The following ZNF302 variants were observed in gnomAD, a reference collection of about 807,000 sequenced individuals.
ZNF302 encodes zinc finger protein 302, also known as zinc finger protein 327.
ZNF302 carries 12 observed loss-of-function variants against 10.8 expected under a neutral mutation model. The ratio of observed to expected loss-of-function variants is 1.11; its 90% CI spans 0.71 to 1.79. The LOEUF is 1.79. Ranked by LOEUF, ZNF302 falls within the 40% of genes most tolerant of loss-of-function variation. The pLI is 0.00. For missense variants in ZNF302, 461 were observed against 471.1 expected, an observed-to-expected ratio of 0.98 and a Z score of 0.20; for synonymous variants, 178 against 157.5, an observed-to-expected ratio of 1.13 and a Z score of -0.98.
chr19:34,679,899 T>C, intron 2 of ZNF302: 3 of 702,896 alleles, frequency 4.3e-6, no homozygotes, highest in Non-Finnish European at 7.8e-6. Context: ...ATAAGATGAG[T>C]AATGAAGAAC....
chr19:34,685,384 A>T lies in ZNF302; in HGVS notation c.*147A>T, dbSNP rs2068608846. 2.5e-6 allele frequency: 4 copies of T among 1,611,596 alleles called. No homozygotes were observed. Among genetic ancestry groups the T allele is most frequent in the Admixed American group, 1.7e-5 (1 of 59,972 alleles). On this transcript the variant is annotated 3_prime_UTR_variant, in exon 5 of 5. Transcript: ENST00000505242. ...TTCAACATCACAGTATTCATACTGGAGAGAAACCTTACGAATGTATTAAAT... is the reference window on the plus strand; with the variant it reads ...TTCAACATCACAGTATTCATACTGGTGAGAAACCTTACGAATGTATTAAAT...
chr19:34,685,093 T>C lies in ZNF302; in HGVS notation c.1056T>C (p.Cys352=), dbSNP rs769103975. ...ECRECGKAFC[C]SSHLTQHQRI... is the part of the protein sequence containing the mutation. ...GAGAATGTGGGAAAGCTTTCTGCTGTAGCTCACACCTTACTCAACATCAAA... is the reference window on the plus strand; with the variant it reads ...GAGAATGTGGGAAAGCTTTCTGCTGCAGCTCACACCTTACTCAACATCAAA... Residue 352 remains cysteine, a synonymous_variant, in exon 5 of 5, where the codon TGT becomes TGC. Transcript: ENST00000505242. 9 of 1,613,054 alleles carry C rather than the reference T, an allele frequency of 5.6e-6. No homozygotes were observed. The highest frequency in any genetic ancestry group is 2.2e-5 in the East Asian group (1 of 44,876).
In ZNF302 at chr19:34,684,581, G is replaced by C. The variant is rs2068551897; in HGVS notation, c.544G>C (p.Ala182Pro). ...KLLNSNKSGAAFNQSKSLTLP... is the reference protein window; with the variant it reads ...KLLNSNKSGAPFNQSKSLTLP... ...TTTAAATTCTAATAAAAGTGGGGCA[G>C]CCTTCAACCAGAGCAAATCTCTTAC... Residue 182 changes from alanine to proline, a missense_variant, in exon 5 of 5, where the codon GCC (alanine) becomes CCC (proline). Physicochemically the swap from Ala to Pro is conservative, Grantham distance 27. Transcript: ENST00000505242. 1 of 1,613,930 alleles carries C rather than the reference G, an allele frequency of 6.2e-7. No homozygotes were observed. The highest frequency in any genetic ancestry group is 8.5e-7 in the Non-Finnish European group (1 of 1,179,928).
In ZNF302 at chr19:34,685,812, G is replaced by A; in HGVS notation, c.*575G>A. 1 of 413,604 alleles carries A rather than the reference G, an allele frequency of 2.4e-6. No individual in the cohort carries two copies. The highest frequency in any genetic ancestry group is 4.4e-6 in the Non-Finnish European group (1 of 229,358). 25.6% of individuals were successfully genotyped at this position (413,604 alleles called of 1,614,324 possible). A position where few individuals can be genotyped will look rare whatever the true frequency, so the allele number is the denominator to read the frequency against. On this transcript the variant is annotated 3_prime_UTR_variant, in exon 5 of 5. Transcript: ENST00000505242. Reference sequence around the variant, plus strand: ...AAATCATATGAAGTCAATAAATGTGGGAAAGCCTTTGTCAGTATTAATCCC... The same window carrying A: ...AAATCATATGAAGTCAATAAATGTGAGAAAGCCTTTGTCAGTATTAATCCC...
In ZNF302 at chr19:34,684,970, A is replaced by G. The variant is rs1238016603; in HGVS notation, c.933A>G (p.Lys311=). The change falls in exon 5 of 5, where the codon AAA becomes AAG. Residue 311 remains lysine (K), a synonymous_variant. Transcript: ENST00000505242. ...ATCTAAGAATTCATACGCAAGAAAA[A>G]CGCTATGAGTGTCGTATATGTGGAA... ...IQHLRIHTQE[K]RYECRICGKA... 6.2e-7 allele frequency: 1 copy of G among 1,613,970 alleles called. No individual in the cohort carries two copies. Among genetic ancestry groups the G allele is most frequent in the Non-Finnish European group, 8.5e-7 (1 of 1,179,956 alleles).
intron 1 of ZNF302, among the ~76,000 whole-genome samples, 187 bp from the exon 2 acceptor site, chr19:34,678,550 T>C (rs1346133806): frequency 6.6e-6 from 1 of 152,144 alleles, no homozygotes; most frequent in East Asian, 1.9e-4. Context: ...TACAGAATAA[T>C]TGATTTTCCC....
intron 4 of ZNF302, 127 bp from the exon 5 acceptor site, chr19:34,684,125 C>G (rs12611327): frequency 3.7e-4 from 474 of 1,282,028 alleles, no homozygotes; most frequent in Non-Finnish European, 3.1e-4. Context: ...TGCTTCATTT[C>G]TTATCCAATT....
Position 34,684,483 on chromosome 19 carries a change from A to T in ZNF302, c.446A>T (p.Tyr149Phe). 6.2e-7 allele frequency: 1 copy of T among 1,612,734 alleles called. No homozygotes were observed. The highest frequency in any genetic ancestry group is 8.5e-7 in the Non-Finnish European group (1 of 1,179,152). ...TCTGCTGAAGGGAATTCACACAAAT[A>T]TGATATATTAAAGAAGAATTTATCA... ...NNSAEGNSHK[Y>F]DILKKNLSKK... The change falls in exon 5 of 5, where the codon TAT becomes TTT. Residue 149 changes from tyrosine to phenylalanine, a missense_variant. Transcript: ENST00000505242.
In ZNF302 at chr19:34,684,933, T is replaced by A. The variant is rs372058056; in HGVS notation, c.896T>A (p.Leu299His). The A allele has an allele frequency of 2.5e-6, 4 of 1,614,006 alleles. No individual in the cohort carries two copies. The Admixed American group carries it at 5.0e-5, about 20-fold the overall frequency. Reference sequence around the variant, plus strand: ...GGAAAGTCTTTTAGTCGTGTGTCCCTTCTCATTCAGCATCTAAGAATTCAT... The same window carrying A: ...GGAAAGTCTTTTAGTCGTGTGTCCCATCTCATTCAGCATCTAAGAATTCAT... ...NCGKSFSRVS[L>H]LIQHLRIHTQ... The change falls in exon 5 of 5, where the codon CTT (leucine) becomes CAT (histidine). Residue 299 changes from leucine (L) to histidine (H), a missense_variant. Coordinates refer to ENST00000505242, the MANE Select transcript of ZNF302 (RefSeq NM_001289187.2).
rs1446806103 is a variant in ZNF302, at chr19:34,678,771, G to C, written c.-34G>C. 1 of 1,613,606 alleles carries C rather than the reference G, an allele frequency of 6.2e-7. No individual in the cohort carries two copies. The highest frequency in any genetic ancestry group is 8.5e-7 in the Non-Finnish European group (1 of 1,179,674). ...CATCTCTAAGATAAGAACCTGGAAA[G>C]GGGACTCTGTTGGCCATTGGAAATT... On this transcript the variant is annotated 5_prime_UTR_variant, in exon 2 of 5. Transcript: ENST00000505242.
rs544638962 is a variant in ZNF302 at position 34,686,342 on chromosome 19, A to C, written c.*1105A>C. 1.3e-5 allele frequency: 2 copies of C among 152,348 alleles called. No homozygotes were observed. The highest frequency in any genetic ancestry group is 2.4e-5 in the African/African-American group (1 of 41,578). 9.4% of individuals were successfully genotyped at this position (152,348 alleles called of 1,614,324 possible). A position where few individuals can be genotyped will look rare whatever the true frequency, so the allele number is the denominator to read the frequency against. On this transcript the variant is annotated 3_prime_UTR_variant, in exon 5 of 5. Transcript: ENST00000505242. ...TAAAAATTAAAGCTGCAAAAGAAAT[A>C]AAATGGTGTTAATAAAAATTTGGCA...
Position 34,684,272 on chromosome 19 carries a change from A to G in ZNF302, c.235A>G (p.Asn79Asp). The G allele has an allele frequency of 6.4e-7, 1 of 1,562,958 alleles. No homozygotes were observed. Among genetic ancestry groups the G allele is most frequent in the Non-Finnish European group, 8.6e-7 (1 of 1,162,504 alleles). ...LSKDWESRWENKELSTKKDIY... is the reference protein window; with the variant it reads ...LSKDWESRWEDKELSTKKDIY... ...TTCAGATTGGGAATCAAGATGGGAA[A>G]ACAAGGAATTATCAACAAAGAAGGA... is the stretch of plus-strand genomic sequence containing the variant. The change falls in exon 5 of 5, where the codon AAC (asparagine) becomes GAC (aspartate). Residue 79 changes from asparagine (N) to aspartate (D), a missense_variant. Physicochemically the swap from Asn to Asp is conservative, Grantham distance 23. Coordinates refer to ENST00000505242, the MANE Select transcript of ZNF302 (RefSeq NM_001289187.2).
intron 4 of ZNF302, 51 bp from the exon 5 acceptor site, chr19:34,684,201 A>ATGG: frequency 8.5e-7 from 1 of 1,182,712 alleles, no homozygotes; most frequent in Non-Finnish European, 1.1e-6. Flanking sequence ...AAAAAAAAAA[A>ATGG]AAAAAAAAAA....
Position 34,685,594 on chromosome 19 carries a change from T to C in ZNF302, c.*357T>C. 7.7e-7 allele frequency: 1 copy of C among 1,293,274 alleles called. No homozygotes were observed. Among genetic ancestry groups the C allele is most frequent in the Non-Finnish European group, 1.1e-6 (1 of 892,278 alleles). The allele number at this position is 1,293,274 out of a possible 1,614,324, so 80.1% of individuals were successfully genotyped here. On this transcript the variant is annotated 3_prime_UTR_variant, in exon 5 of 5. Transcript: ENST00000505242. ...TGGTAAGTGTGGAAAAGCCTTTAGA[T>C]CATATGAATCCCTATACATGTGAGA...
At chr19:34,681,776 C>G (rs2068359475) in intron 2 of ZNF302, 1 of 152,196 alleles carries the variant, frequency 6.6e-6, no homozygotes, top group Non-Finnish European at 1.5e-5. Flanking sequence ...GTCCGTGGCC[C>G]AGGTGTTAGA....
chr19:34,678,987 A>C (rs2068178078), intron 2 of ZNF302, among the ~76,000 whole-genome samples, 174 bp downstream of exon 2: 1 of 152,192 alleles, frequency 6.6e-6, no homozygotes, highest in Non-Finnish European at 1.5e-5. Flanking sequence ...TATTGTCCTC[A>C]TCACCCAGTG....
intron 2 of ZNF302, 92 bp downstream of exon 2, chr19:34,678,905 G>C: frequency 6.8e-7 from 1 of 1,471,592 alleles, no homozygotes; most frequent in Non-Finnish European, 9.5e-7. Flanking sequence ...ACCTAATCAA[G>C]TCCATTTAAG....
Position 34,683,879 on chromosome 19 carries a change from A to G in ZNF302, c.215-373A>G. The stretch of plus-strand genomic sequence containing the variant: ...AAAAAAGGCTATGAAACAAAATGCA[A>G]CCTTTCCCACATGAATATAGGCACA... On this transcript the variant is annotated intron_variant, in intron 4 of 4. Transcript: ENST00000505242. 4 of 937,600 alleles carry G rather than the reference A, an allele frequency of 4.3e-6. No homozygotes were observed. The East Asian group carries it at 1.2e-4, about 29-fold the overall frequency. The allele number at this position is 937,600 out of a possible 1,614,324, so 58.1% of individuals were successfully genotyped here.
intron 2 of ZNF302, chr19:34,681,898 TTTC>T (rs751225973): frequency 6.6e-6 from 1 of 152,256 alleles, no homozygotes; most frequent in Admixed American, 6.5e-5. Context: ...CAAATATATT[TTTC>T]TTTTTTGTTT....
Sources: gnomAD v4.1 joint callset for allele counts (sites outside exome capture counted in the v4.1 genomes callset) on GRCh38, gnomAD v4.1.1 for gene constraint, MANE v1.5 for transcripts, NCBI Gene and HGNC (gene_info 2026-07-23, HGNC 2026-07-21) for gene names.